The following GRM8 variants were observed in gnomAD, a reference collection of about 807,000 sequenced individuals.
The protein encoded by GRM8 is metabotropic glutamate receptor 8.
A neutral mutation model predicts 87.2 loss-of-function variants in GRM8; 47 were observed. The observed-to-expected ratio is 0.54, with a 90% CI of 0.43 to 0.69. The LOEUF (loss-of-function observed/expected upper bound fraction) is 0.69, where lower values mean the gene tolerates loss of function less well. Among genes scored for constraint, GRM8 ranks in the 30% least tolerant of loss-of-function variants. The pLI, the probability that GRM8 is intolerant of heterozygous loss-of-function variation, is 0.00. For missense variants in GRM8, 1,019 were observed against 1,139.2 expected (o/e 0.89, Z 1.52); for synonymous variants, 396 against 404.5 (o/e 0.98, Z 0.25).
intron 6 of GRM8, among the ~76,000 whole-genome samples, chr7:126,850,168 C>T (rs889352865): frequency 3.9e-5 from 6 of 152,100 alleles, no homozygotes; most frequent in Non-Finnish European, 8.8e-5. Flanking sequence ...GTTGCCAAAC[C>T]GGCTCTCAGT....
intron 9 of GRM8, among the ~76,000 whole-genome samples, chr7:126,531,510 G>C (rs1814814647): frequency 6.6e-6 from 1 of 152,122 alleles, no homozygotes; most frequent in African/African-American, 2.4e-5. Flanking sequence ...ACCTCCCACA[G>C]TCTCAGCAAC....
At chr7:127,127,277 A>G (rs1275586311) in intron 2 of GRM8, among the ~76,000 whole-genome samples, 1 of 152,054 alleles carries the variant, frequency 6.6e-6, no homozygotes, top group Non-Finnish European at 1.5e-5. Flanking sequence ...CAATTCTACT[A>G]CTAGGTATAC....
chr7:126,483,279 T>C (rs1317638499), intron 9 of GRM8, among the ~76,000 whole-genome samples: 1 of 143,368 alleles, frequency 7.0e-6, no homozygotes, highest in African/African-American at 2.6e-5. Flanking sequence ...AAAAACAACA[T>C]TTATCTGGTC....
At chr7:126,720,491 A>T (rs1812275747) in intron 7 of GRM8, among the ~76,000 whole-genome samples, 3 of 151,998 alleles carry the variant, frequency 2.0e-5, no homozygotes, top group Non-Finnish European at 4.4e-5. Flanking sequence ...CTGACAGAAA[A>T]CCTTCCTGAC....
At chr7:127,062,877 A>G (rs1032365833) in intron 3 of GRM8, among the ~76,000 whole-genome samples, 2 of 152,068 alleles carry the variant, frequency 1.3e-5, no homozygotes, top group Admixed American at 6.6e-5. Flanking sequence ...ATCATTTCCA[A>G]TTATGCTTAT....
intron 6 of GRM8, among the ~76,000 whole-genome samples, chr7:126,813,181 G>T (rs1245693170): frequency 6.6e-6 from 1 of 151,912 alleles, no homozygotes; most frequent in Non-Finnish European, 1.5e-5. Flanking sequence ...GAAACTTTTA[G>T]ATGCTTCCTA....
intron 8 of GRM8, among the ~76,000 whole-genome samples, chr7:126,559,267 C>T (rs1041095272): frequency 6.6e-6 from 1 of 151,584 alleles, no homozygotes; most frequent in African/African-American, 2.4e-5. Flanking sequence ...ATTCTCATGC[C>T]TCAGCCTCAT....
chr7:126,713,115 T>C (rs138253328), intron 7 of GRM8, among the ~76,000 whole-genome samples: 36 of 152,302 alleles, frequency 2.4e-4, no homozygotes, highest in African/African-American at 7.5e-4. Flanking sequence ...CAAAGGATTA[T>C]AAATCATTCT....
intron 8 of GRM8, among the ~76,000 whole-genome samples, chr7:126,555,757 C>T (rs1793071467): frequency 6.6e-6 from 1 of 152,178 alleles, no homozygotes; most frequent in South Asian, 2.1e-4. Flanking sequence ...TTTACTTGTA[C>T]AGATGCAAAT....
intron 7 of GRM8, among the ~76,000 whole-genome samples, chr7:126,699,926 A>T (rs1399509608): frequency 2.6e-5 from 4 of 152,188 alleles, no homozygotes; most frequent in African/African-American, 9.7e-5. Context: ...AGGTCTATTG[A>T]TGGATAAACT....
intron 7 of GRM8, among the ~76,000 whole-genome samples, chr7:126,675,647 A>G (rs1168080844): frequency 6.6e-6 from 1 of 152,210 alleles, no homozygotes; most frequent in Non-Finnish European, 1.5e-5. Flanking sequence ...AAACCATATG[A>G]TCATCTCAAT....
At position 126,642,087 on chromosome 7, in the gene GRM8, C is replaced by T. The variant is rs146214896; in HGVS notation, c.1358-32589G>A. Among the ~76,000 whole-genome samples, 21 of 152,214 alleles carry T rather than the reference C, an allele frequency of 1.4e-4. No individual in the cohort carries two copies. In the East Asian group the frequency reaches 4.1e-3, roughly 29 times the overall value. On this transcript the variant is annotated intron_variant, in intron 7 of 10. Transcript: ENST00000339582. ...GCATCGTCTGTCATAAAGGGTCAGC[C>T]ACATAGGAAGCACTGAATAAATGGT... is the stretch of plus-strand genomic sequence containing the variant.
chr7:126,473,661 AG>A (rs1250463329), intron 9 of GRM8, among the ~76,000 whole-genome samples: 1 of 152,130 alleles, frequency 6.6e-6, no homozygotes, highest in African/African-American at 2.4e-5. Flanking sequence ...GAGATTTGTG[AG>A]GGGCCAGCTT....
At chr7:126,878,634 C>A (rs1181854490) in intron 6 of GRM8, among the ~76,000 whole-genome samples, 1 of 151,830 alleles carries the variant, frequency 6.6e-6, no homozygotes, top group Non-Finnish European at 1.5e-5. Flanking sequence ...ATTCTCCAGC[C>A]TCAGCCTCCC....
chr7:126,613,366 C>T (rs1273694890), intron 7 of GRM8, among the ~76,000 whole-genome samples: 2 of 151,978 alleles, frequency 1.3e-5, no homozygotes, highest in Non-Finnish European at 2.9e-5. Context: ...TTAATAACAA[C>T]ACAGGTAAGA....
chr7:127,083,138 G>C lies in GRM8; in HGVS notation c.727+23358C>G, dbSNP rs552893310. Among the ~76,000 whole-genome samples the C allele has an allele frequency of 2.6e-5, 4 of 152,222 alleles. No individual in the cohort carries two copies. In the South Asian group the frequency reaches 8.3e-4, roughly 32 times the overall value. ...ACACATAAAATCAACCATCACACTT[G>C]TGCACTTAACAGAACAAGGTACTCA... On this transcript the variant is annotated intron_variant, in intron 3 of 10. Coordinates refer to ENST00000339582, the MANE Select transcript of GRM8 (RefSeq NM_000845.3).
At position 126,606,704 on chromosome 7, in the gene GRM8, C is replaced by T. The variant is rs946623930; in HGVS notation, c.1494+2658G>A. On this transcript the variant is annotated intron_variant, in intron 8 of 10. Coordinates refer to ENST00000339582, the MANE Select transcript of GRM8 (RefSeq NM_000845.3). ...ATGCATTTTCCATTTCGGTAAAACC[C>T]GCAACGCTATCTAGTTATAAATGAT... Among the ~76,000 whole-genome samples the T allele has an allele frequency of 3.5e-4, 54 of 152,188 alleles. 1 individual carries two copies. The highest frequency in any genetic ancestry group is 2.6e-4 in the African/African-American group (11 of 41,526).
At chr7:126,681,424 G>T (rs1439864984) in intron 7 of GRM8, among the ~76,000 whole-genome samples, 1 of 152,136 alleles carries the variant, frequency 6.6e-6, no homozygotes, top group East Asian at 1.9e-4. Context: ...TCTACCTAAG[G>T]TACTTTCCTC....
chr7:127,019,478 T>C (rs541744085), intron 3 of GRM8, among the ~76,000 whole-genome samples: 5 of 152,222 alleles, frequency 3.3e-5, no homozygotes, highest in African/African-American at 1.2e-4. Flanking sequence ...CCAAAATGTA[T>C]GTCAATTTGG....
Sources: gnomAD v4.1 joint callset for allele counts (sites outside exome capture counted in the v4.1 genomes callset) on GRCh38, gnomAD v4.1.1 for gene constraint, MANE v1.5 for transcripts, NCBI Gene and HGNC (gene_info 2026-07-23, HGNC 2026-07-21) for gene names.